The following LPP variants were observed in gnomAD, a reference collection of about 807,000 sequenced individuals.
The protein encoded by LPP is LIM domain containing preferred translocation partner in lipoma, also known as lipoma-preferred partner.
In LPP, 38 loss-of-function variants were observed where a neutral mutation model predicts 60.4. The ratio of observed to expected loss-of-function variants is 0.63; its 90% CI spans 0.49 to 0.83. The LOEUF (loss-of-function observed/expected upper bound fraction) is 0.83, where lower values mean the gene tolerates loss of function less well. Among genes scored for constraint, LPP ranks in the 40% least tolerant of loss-of-function variants. The pLI, the probability that LPP is intolerant of heterozygous loss-of-function variation, is 0.00. For missense variants in LPP, 902 were observed against 783.6 expected, an observed-to-expected ratio of 1.15 and a Z score of -1.80; for synonymous variants, 328 against 290.8, an observed-to-expected ratio of 1.13 and a Z score of -1.30.
intron 2 of LPP, among the ~76,000 whole-genome samples, chr3:188,276,374 C>T (rs985352614): frequency 2.6e-5 from 4 of 152,208 alleles, no homozygotes; most frequent in African/African-American, 9.6e-5. Flanking sequence ...GATTGATCTC[C>T]AGACATGGAG....
chr3:188,307,376 A>T (rs895425475), intron 2 of LPP, among the ~76,000 whole-genome samples: 1 of 152,142 alleles, frequency 6.6e-6, no homozygotes, highest in Non-Finnish European at 1.5e-5. Context: ...TTAAATCAGA[A>T]TATCTGTGGG....
chr3:188,253,280 A>T (rs1730564673), intron 2 of LPP, among the ~76,000 whole-genome samples: 2 of 151,986 alleles, frequency 1.3e-5, no homozygotes, highest in African/African-American at 4.8e-5. Context: ...TTTAAGAATC[A>T]TTTCTTTTAT....
At chr3:188,710,362 C>A (rs1175844008) in intron 8 of LPP, 4 of 152,178 alleles carry the variant, frequency 2.6e-5, no homozygotes, top group African/African-American at 9.7e-5. Context: ...TGGCATGTCA[C>A]CCATCTGCCT....
chr3:188,882,905 AT>A lies in LPP; in HGVS notation c.*8434del, dbSNP rs572530977. The A allele has an allele frequency of 6.1e-5, 11 of 181,084 alleles. No homozygotes were observed. Among genetic ancestry groups the A allele is most frequent in the East Asian group, 3.6e-4 (4 of 10,992 alleles). The allele number at this position is 181,084 out of a possible 1,614,324, so 11.2% of individuals were successfully genotyped here. On this transcript the variant is annotated 3_prime_UTR_variant, in exon 12 of 12. Coordinates refer to ENST00000617246, the MANE Select transcript of LPP (RefSeq NM_001375462.1). ...AGACGCCCGCCACCGCGCCCAGCTA[AT>A]TTTTTTTGTACTTTTAGTAGAGACG...
chr3:188,350,721 C>G (rs1221077574), intron 3 of LPP, among the ~76,000 whole-genome samples: 1 of 152,148 alleles, frequency 6.6e-6, no homozygotes, highest in Non-Finnish European at 1.5e-5. Flanking sequence ...ATTTTATATT[C>G]TTCTTACTGT....
chr3:188,283,934 G>A (rs1471126974), intron 2 of LPP, among the ~76,000 whole-genome samples: 4 of 151,788 alleles, frequency 2.6e-5, no homozygotes, highest in Non-Finnish European at 4.4e-5. Context: ...CCGAGATTGC[G>A]CCACGGCACT....
At chr3:188,460,484 G>A (rs1350124877) in intron 4 of LPP, among the ~76,000 whole-genome samples, 4 of 152,190 alleles carry the variant, frequency 2.6e-5, no homozygotes, top group Non-Finnish European at 5.9e-5. Context: ...ACTGGTTCCA[G>A]GCGCAGTTAC....
intron 9 of LPP, among the ~76,000 whole-genome samples, chr3:188,765,297 A>AACACACACACAC (rs60149759): frequency 5.6e-4 from 80 of 144,070 alleles, no homozygotes; most frequent in East Asian, 2.3e-3. Flanking sequence ...TGTCTCACAC[A>AACACACACACAC]ACACACACAC....
chr3:188,883,150 T>C lies in LPP; in HGVS notation c.*8671T>C, dbSNP rs938550755. The stretch of plus-strand genomic sequence containing the variant: ...TCTCTTTGGTGCCACACAAAACCTG[T>C]AGTACATGATACAGTGTTGCTTCCC... On this transcript the variant is annotated 3_prime_UTR_variant, in exon 12 of 12. Coordinates refer to ENST00000617246, the MANE Select transcript of LPP (RefSeq NM_001375462.1). The C allele has an allele frequency of 4.6e-6, 1 of 218,942 alleles. No individual in the cohort carries two copies. Among genetic ancestry groups the C allele is most frequent in the Non-Finnish European group, 9.2e-6 (1 of 108,950 alleles). The allele number at this position is 218,942 out of a possible 1,614,324, so 13.6% of individuals were successfully genotyped here. A position where few individuals can be genotyped will look rare whatever the true frequency, so the allele number is the denominator to read the frequency against.
chr3:188,447,308 G>T (rs1326068507), intron 4 of LPP, among the ~76,000 whole-genome samples: 22 of 152,028 alleles, frequency 1.4e-4, no homozygotes, highest in Non-Finnish European at 1.3e-4. Flanking sequence ...CATATATAAG[G>T]TCCAAAGCAA....
chr3:188,873,554 T>C (rs532330774), intron 11 of LPP, among the ~76,000 whole-genome samples: 11 of 152,086 alleles, frequency 7.2e-5, no homozygotes, highest in African/African-American at 2.2e-4. Context: ...TCAGCGGTAG[T>C]ATATTCCTTT....
At chr3:188,796,733 G>C (rs3846185) in intron 9 of LPP, among the ~76,000 whole-genome samples, 105,086 of 152,020 alleles carry the variant, frequency 0.69, 36,668 homozygotes, top group East Asian at 0.91. Flanking sequence ...AGACACATTG[G>C]ATTTGAACCA....
chr3:188,319,417 C>T (rs904886158), intron 2 of LPP, among the ~76,000 whole-genome samples: 13 of 152,202 alleles, frequency 8.5e-5, no homozygotes, highest in African/African-American at 3.1e-4. Flanking sequence ...TCATTTATTT[C>T]ATTTTATTTA....
At chr3:188,581,204 C>G (rs903733749) in intron 6 of LPP, among the ~76,000 whole-genome samples, 2 of 151,850 alleles carry the variant, frequency 1.3e-5, no homozygotes, top group African/African-American at 4.8e-5. Context: ...AAAAAAAGTC[C>G]AGGAAGAGCA....
Position 188,884,529 on chromosome 3 carries a change from CCA to C in LPP, c.*10052_*10053del, listed in dbSNP as rs1172674367. 2.2e-5 allele frequency: 5 copies of C among 229,550 alleles called. No individual in the cohort carries two copies. The highest frequency in any genetic ancestry group is 1.1e-4 in the African/African-American group (5 of 45,148). The allele number at this position is 229,550 out of a possible 1,614,324, so 14.2% of individuals were successfully genotyped here. A position where few individuals can be genotyped will look rare whatever the true frequency, so the allele number is the denominator to read the frequency against. On this transcript the variant is annotated 3_prime_UTR_variant, in exon 12 of 12. Coordinates refer to ENST00000617246, the MANE Select transcript of LPP (RefSeq NM_001375462.1). ...CTGTGAGGAAGTTGGTGGGAAAAGG[CCA>C]CTGATAAGAACAAACAATGGGCAGA...
At chr3:188,230,650 C>A (rs956274387) in intron 2 of LPP, among the ~76,000 whole-genome samples, 3 of 151,438 alleles carry the variant, frequency 2.0e-5, no homozygotes, top group Non-Finnish European at 4.4e-5. Flanking sequence ...GGGCATGCCT[C>A]TAATCCCAGC....
chr3:188,567,593 C>T (rs1832498360), intron 6 of LPP, among the ~76,000 whole-genome samples: 1 of 151,870 alleles, frequency 6.6e-6, no homozygotes, highest in Non-Finnish European at 1.5e-5. Flanking sequence ...TAGAATGATG[C>T]TGTTATCATC....
rs374737861 is a variant in LPP, at chr3:188,699,329, G to A, written c.1114-8938G>A. On this transcript the variant is annotated intron_variant, in intron 7 of 11. Transcript: ENST00000617246. ...TAAAACCCTTGTGTGCAGAGACCAG[G>A]GCCCCCTGACTGGATGCCCAGGCCT... Among the ~76,000 whole-genome samples, 14 of 152,186 alleles carry A rather than the reference G, an allele frequency of 9.2e-5. 1 individual carries two copies. The highest frequency in any genetic ancestry group is 3.9e-4 in the East Asian group (2 of 5,176).
chr3:188,525,071 A>G (rs1820201241), intron 6 of LPP, among the ~76,000 whole-genome samples: 1 of 151,254 alleles, frequency 6.6e-6, no homozygotes, highest in African/African-American at 2.4e-5. Context: ...GGTTCAAGCA[A>G]TTCTCCTGCA....
Sources: allele counts gnomAD v4.1 joint callset (sites outside exome capture counted in the v4.1 genomes callset), GRCh38; gene constraint gnomAD v4.1.1; transcripts MANE v1.5; gene names NCBI Gene and HGNC (gene_info 2026-07-23, HGNC 2026-07-21).